FBLN1: variants seen among roughly 807,000 people sequenced by gnomAD.
FBLN1 encodes the protein fibulin-1.
A neutral mutation model predicts 89.7 loss-of-function variants in FBLN1; 34 were observed. The ratio of observed to expected loss-of-function variants is 0.38; its 90% CI spans 0.29 to 0.50. The LOEUF is 0.50. Among genes scored for constraint, FBLN1 ranks in the 20% least tolerant of loss-of-function variants. The pLI, the probability that FBLN1 is intolerant of heterozygous loss-of-function variation, is 0.92. For missense variants in FBLN1, 777 were observed against 988.1 expected (o/e 0.79, Z 2.86); for synonymous variants, 393 against 391.3 (o/e 1.00, Z -0.05).
At chr22:45,538,541 C>G (rs2088512926) in intron 8 of FBLN1, among the ~76,000 whole-genome samples, 1 of 152,172 alleles carries the variant, frequency 6.6e-6, no homozygotes, top group African/African-American at 2.4e-5. Flanking sequence ...CATTTCATGT[C>G]AGCACCTTTA....
At position 45,597,997 on chromosome 22, in the gene FBLN1, C is replaced by G. The variant is rs917627487; in HGVS notation, c.1973-2310C>G. On this transcript the variant is annotated intron_variant, in intron 16 of 16. Coordinates refer to ENST00000327858, the MANE Select transcript of FBLN1 (RefSeq NM_006486.3). This position sits in a 1 kb window ranked among gnomAD's most constrained non-coding sequence, Gnocchi z 4.2. ...GGCCTTCCTGACCCCTCAGTTCTCC[C>G]CTGAGCCTTTGCTGTGTCCTGGGCA... Among the ~76,000 whole-genome samples the G allele has an allele frequency of 6.6e-6, 1 of 152,186 alleles. No homozygotes were observed. The highest frequency in any genetic ancestry group is 2.4e-5 in the African/African-American group (1 of 41,452).
chr22:45,559,869 T>C (rs2147008697), intron 14 of FBLN1, among the ~76,000 whole-genome samples: 2 of 152,296 alleles, frequency 1.3e-5, no homozygotes, highest in East Asian at 3.9e-4. Flanking sequence ...AGTAATGTAG[T>C]GGGGTCCTTC....
Position 45,590,734 on chromosome 22 carries a change from T to C in FBLN1, c.1973-9573T>C, listed in dbSNP as rs1470686610. Among the ~76,000 whole-genome samples, 2 of 152,038 alleles carry C rather than the reference T, an allele frequency of 1.3e-5. No homozygotes were observed. The highest frequency in any genetic ancestry group is 2.9e-5 in the Non-Finnish European group (2 of 67,986). On this transcript the variant is annotated intron_variant, in intron 16 of 16. Transcript: ENST00000327858. This position sits in a 1 kb window ranked among gnomAD's most constrained non-coding sequence, Gnocchi z 4.1. ...CATTGGCCTCAGTGATGGTTTAACC[T>C]GAGGGATGGGAGTAAGGGGCCTATC...
chr22:45,529,631 C>T (rs374993424), intron 4 of FBLN1, among the ~76,000 whole-genome samples: 10 of 152,028 alleles, frequency 6.6e-5, no homozygotes, highest in African/African-American at 2.2e-4. Flanking sequence ...TTTGGGAGGC[C>T]GAGGCAGGCG....
rs758451878 is a variant in FBLN1 at position 45,563,975 on chromosome 22, G to C, written c.1698-10536G>C. The stretch of plus-strand genomic sequence containing the variant: ...CCACTGAGGATCCTGGCCCTGTGCC[G>C]GGGGGAGGCAAAGGACCACACAATA... On this transcript the variant is annotated intron_variant, in intron 14 of 16. Coordinates refer to ENST00000327858, the MANE Select transcript of FBLN1 (RefSeq NM_006486.3). This position sits in a 1 kb window ranked among gnomAD's most constrained non-coding sequence, Gnocchi z 5.7. Among the ~76,000 whole-genome samples, 1 of 152,158 alleles carries C rather than the reference G, an allele frequency of 6.6e-6. No individual in the cohort carries two copies. Among genetic ancestry groups the C allele is most frequent in the Non-Finnish European group, 1.5e-5 (1 of 68,028 alleles).
rs2089024897 is a variant in FBLN1, at chr22:45,579,431, T to C, written c.1972+2323T>C. Among the ~76,000 whole-genome samples, 1 of 152,236 alleles carries C rather than the reference T, an allele frequency of 6.6e-6. No homozygotes were observed. Among genetic ancestry groups the C allele is most frequent in the Non-Finnish European group, 1.5e-5 (1 of 68,034 alleles). ...CGGCAGCGGGCTTCTGGGAACGGAATGTGGATGAGGCCACAAGGACCCAGC... is the reference window on the plus strand; with the variant it reads ...CGGCAGCGGGCTTCTGGGAACGGAACGTGGATGAGGCCACAAGGACCCAGC... On this transcript the variant is annotated intron_variant, in intron 16 of 16. Coordinates refer to ENST00000327858, the MANE Select transcript of FBLN1 (RefSeq NM_006486.3). The surrounding 1 kb of genome is among the most constrained non-coding windows in gnomAD (Gnocchi z 5.5).
chr22:45,528,599 C>T (rs999172957), intron 4 of FBLN1, among the ~76,000 whole-genome samples: 2 of 152,172 alleles, frequency 1.3e-5, no homozygotes, highest in African/African-American at 4.8e-5. Context: ...CCTGCCTCAG[C>T]TTCCCAAAGT....
At position 45,563,808 on chromosome 22, in the gene FBLN1, T is replaced by C. The variant is rs2088877368; in HGVS notation, c.1698-10703T>C. Among the ~76,000 whole-genome samples the C allele has an allele frequency of 6.6e-6, 1 of 152,218 alleles. No individual in the cohort carries two copies. Among genetic ancestry groups the C allele is most frequent in the South Asian group, 2.1e-4 (1 of 4,832 alleles). ...GTATCCCCGGAGGTGAGCATTTCACTGAGACAAGAAAGCTCTCTCCTGAGA... is the reference window on the plus strand; with the variant it reads ...GTATCCCCGGAGGTGAGCATTTCACCGAGACAAGAAAGCTCTCTCCTGAGA... On this transcript the variant is annotated intron_variant, in intron 14 of 16. Coordinates refer to ENST00000327858, the MANE Select transcript of FBLN1 (RefSeq NM_006486.3). The surrounding 1 kb of genome is among the most constrained non-coding windows in gnomAD (Gnocchi z 5.7).
rs136738 is a variant in FBLN1 at position 45,532,139 on chromosome 22, T to C, written c.544+815T>C. ...GGTGTTAATTAGGGGCCAGTTTAAT[T>C]CTTAAATGATGCAGTCAGTGTACAG... On this transcript the variant is annotated intron_variant, in intron 5 of 16. Transcript: ENST00000327858. This position sits in a 1 kb window ranked among gnomAD's most constrained non-coding sequence, Gnocchi z 4.2. Among the ~76,000 whole-genome samples, 128,850 of 152,182 alleles carry C rather than the reference T, an allele frequency of 0.85. 54,738 individuals carry two copies. The highest frequency in any genetic ancestry group is 0.92 in the African/African-American group (38,271 of 41,516).
intron 16 of FBLN1, among the ~76,000 whole-genome samples, chr22:45,599,793 T>G (rs541373220): frequency 1.3e-5 from 2 of 152,216 alleles, no homozygotes; most frequent in South Asian, 4.2e-4. Context: ...GGCACATGCC[T>G]GTAATCCCAG....
Position 45,590,283 on chromosome 22 carries a change from A to C in FBLN1, c.1973-10024A>C, listed in dbSNP as rs1417645522. On this transcript the variant is annotated intron_variant, in intron 16 of 16. Transcript: ENST00000327858. This position sits in a 1 kb window ranked among gnomAD's most constrained non-coding sequence, Gnocchi z 4.1. ...TGTAGAAAGAGGCAGAGTAGCCTTC[A>C]CTCCGGAAGGCAGAGGGCAGGACTT... is the stretch of plus-strand genomic sequence containing the variant. Among the ~76,000 whole-genome samples the C allele has an allele frequency of 3.3e-5, 5 of 152,130 alleles. No homozygotes were observed. Among genetic ancestry groups the C allele is most frequent in the African/African-American group, 1.2e-4 (5 of 41,494 alleles).
intron 16 of FBLN1, among the ~76,000 whole-genome samples, chr22:45,599,753 A>G (rs553353924): frequency 1.3e-5 from 2 of 152,122 alleles, no homozygotes; most frequent in East Asian, 3.9e-4. Context: ...CCCCGTCTCT[A>G]CTAAAAATAT....
intron 14 of FBLN1, among the ~76,000 whole-genome samples, chr22:45,570,486 C>T (rs990318251): frequency 1.3e-5 from 2 of 151,228 alleles, no homozygotes; most frequent in Admixed American, 1.3e-4. Flanking sequence ...GATGTAAATA[C>T]TAAACTAGAT....
chr22:45,598,654 A>G (rs1289550167), intron 16 of FBLN1, among the ~76,000 whole-genome samples: 1 of 152,072 alleles, frequency 6.6e-6, no homozygotes, highest in Non-Finnish European at 1.5e-5. Flanking sequence ...CTTTCATCCT[A>G]GATCTCCCAC....
chr22:45,535,663 T>A, intron 8 of FBLN1: 1 of 320,550 alleles, frequency 3.1e-6, no homozygotes, highest in Non-Finnish European at 5.9e-6. Context: ...CACAGTTTGC[T>A]GATCTGGGTT....
intron 14 of FBLN1, among the ~76,000 whole-genome samples, chr22:45,560,423 T>G (rs967363936): frequency 6.6e-6 from 1 of 152,218 alleles, no homozygotes; most frequent in African/African-American, 2.4e-5. Flanking sequence ...AAGTGACTAA[T>G]CCACTCCACC....
intron 12 of FBLN1, 140 bp downstream of exon 12, chr22:45,547,344 T>C (rs1274346723): frequency 9.6e-7 from 1 of 1,042,882 alleles, no homozygotes; most frequent in Non-Finnish European, 1.4e-6. Context: ...ATGTCCACCC[T>C]TGGAGGCAAG....
intron 11 of FBLN1, among the ~76,000 whole-genome samples, chr22:45,546,758 A>G (rs1461211534): frequency 6.6e-6 from 1 of 152,136 alleles, no homozygotes; most frequent in Non-Finnish European, 1.5e-5. Flanking sequence ...GGTGAAGTGG[A>G]GAGCACAGGA....
rs2088869366 is a variant in FBLN1 at position 45,563,142 on chromosome 22, C to T, written c.1698-11369C>T. 1 of 1,613,470 alleles carries T rather than the reference C, an allele frequency of 6.2e-7. No individual in the cohort carries two copies. The highest frequency in any genetic ancestry group is 8.5e-7 in the Non-Finnish European group (1 of 1,180,016). ...GTGAGCCCCCACAGTGGGGTGGTGG[C>T]CCTCACCAAGCCTGTCCCCGAGCCC... On this transcript the variant is annotated intron_variant, in intron 14 of 16. Coordinates refer to ENST00000327858, the MANE Select transcript of FBLN1 (RefSeq NM_006486.3). This position sits in a 1 kb window ranked among gnomAD's most constrained non-coding sequence, Gnocchi z 5.7.
Sources: gnomAD v4.1 joint callset for allele counts (sites outside exome capture counted in the v4.1 genomes callset) on GRCh38, gnomAD v4.1.1 for gene constraint, Gnocchi (gnomAD v3.1) non-coding constraint, MANE v1.5 for transcripts, NCBI Gene and HGNC (gene_info 2026-07-23, HGNC 2026-07-21) for gene names.